Variants in CRYBG2 observed in about 807,000 individuals in gnomAD.
The protein encoded by CRYBG2 is beta/gamma crystallin domain-containing protein 2.
A neutral mutation model predicts 153.4 loss-of-function variants in CRYBG2; 106 were observed. The ratio of observed to expected loss-of-function variants is 0.69; its 90% confidence interval spans 0.59 to 0.81. The LOEUF (loss-of-function observed/expected upper bound fraction) is 0.81. Ranked by LOEUF, CRYBG2 falls within the 30% of genes least tolerant of loss-of-function variation. The pLI, the probability that CRYBG2 is intolerant of heterozygous loss-of-function variation, is 0.00. For synonymous variants in CRYBG2, 851 were observed against 877.8 expected, an observed-to-expected ratio of 0.97 and a Z score of 0.54; for missense variants, 1,996 against 2,112.0, an observed-to-expected ratio of 0.95 and a Z score of 1.08.
In CRYBG2 at chr1:26,343,650, A is replaced by G; in HGVS notation, c.2913+95T>C. The G allele has an allele frequency of 1.4e-6, 2 of 1,384,722 alleles. No homozygotes were observed. Among genetic ancestry groups the G allele is most frequent in the Non-Finnish European group, 1.9e-6 (2 of 1,054,912 alleles). The allele number at this position is 1,384,722 out of a possible 1,614,324, so 85.8% of individuals were successfully genotyped here. ...ACTTCAGACAGAAGCCTCTGCCCCCAGACTCTGACTCCCAGCACCACTCTC... is the reference window on the plus strand; with the variant it reads ...ACTTCAGACAGAAGCCTCTGCCCCCGGACTCTGACTCCCAGCACCACTCTC... On this transcript the variant is annotated intron_variant, in intron 2 of 19. Transcript: ENST00000308182. This position sits in a 1 kb window ranked among gnomAD's most constrained non-coding sequence, Gnocchi z 4.1.
At chr1:26,330,252 C>T (rs1410827270) in intron 15 of CRYBG2, among the ~76,000 whole-genome samples, 3 of 152,120 alleles carry the variant, frequency 2.0e-5, no homozygotes, top group Non-Finnish European at 4.4e-5. Flanking sequence ...TTATTATCCC[C>T]CACTTAATAG....
At chr1:26,338,909 T>A (rs2074094374) in intron 6 of CRYBG2, among the ~76,000 whole-genome samples, 1 of 152,168 alleles carries the variant, frequency 6.6e-6, no homozygotes, top group Non-Finnish European at 1.5e-5. Context: ...TATACTCTTT[T>A]CCCCATTTAT....
chr1:26,352,535 G>C (rs1358010759), intron 1 of CRYBG2, among the ~76,000 whole-genome samples: 6 of 152,076 alleles, frequency 3.9e-5, no homozygotes, highest in Non-Finnish European at 8.8e-5. Flanking sequence ...GGCAGTCCCA[G>C]CTATGTCTCA....
At chr1:26,322,516 A>C (rs1009492328) in intron 18 of CRYBG2, among the ~76,000 whole-genome samples, 193 bp from the exon 19 acceptor site, 7 of 152,218 alleles carry the variant, frequency 4.6e-5, no homozygotes, top group Non-Finnish European at 8.8e-5. Context: ...GTGAGGGTTC[A>C]GTGTGAGAAA....
Position 26,322,334 on chromosome 1 carries a change from A to G in CRYBG2, c.4738-11T>C, listed in dbSNP as rs527649593. On this transcript the variant is annotated splice_polypyrimidine_tract_variant and intron_variant, in intron 18 of 19. Transcript: ENST00000308182. Reference sequence around the variant, plus strand: ...CATGGTGGGGGCCATCTGAGGCCCCAGGAGGTCATCAGGCATTGTTCCTCC... The same window carrying G: ...CATGGTGGGGGCCATCTGAGGCCCCGGGAGGTCATCAGGCATTGTTCCTCC... The G allele has an allele frequency of 6.2e-7, 1 of 1,607,196 alleles. No homozygotes were observed. The highest frequency in any genetic ancestry group is 1.1e-5 in the South Asian group (1 of 90,892).
Position 26,344,709 on chromosome 1 carries a change from C to T in CRYBG2, c.1949G>A (p.Gly650Asp). The change falls in exon 2 of 20, where the codon GGT becomes GAT. Residue 650 changes from glycine to aspartate, a missense_variant. By Grantham distance (94) the Gly-to-Asp change is moderately conservative. Coordinates refer to ENST00000308182, the MANE Select transcript of CRYBG2 (RefSeq NM_001039775.4). ...GGGCGGGGCAAGGCTGCCTGCAATA[C>T]CCTGGACAGCCTCTTTTTGGATGCT... The part of the protein sequence containing the change: ...SSSIQKEAVQ[G>D]IAGSLAPPLT... The T allele has an allele frequency of 4.6e-6, 7 of 1,534,172 alleles. No homozygotes were observed. Among genetic ancestry groups the T allele is most frequent in the African/African-American group, 4.1e-5 (3 of 73,124 alleles).
At chr1:26,333,269 A>G (rs1217448896) in intron 14 of CRYBG2, among the ~76,000 whole-genome samples, 1 of 152,146 alleles carries the variant, frequency 6.6e-6, no homozygotes, top group Non-Finnish European at 1.5e-5. Context: ...TAGTGTCCTT[A>G]AAAGAAGAGG....
At chr1:26,326,150 C>T (rs2073922672) in intron 17 of CRYBG2, among the ~76,000 whole-genome samples, 1 of 152,070 alleles carries the variant, frequency 6.6e-6, no homozygotes, top group African/African-American at 2.4e-5. Flanking sequence ...CCTCGGCCTC[C>T]CAAAGTGATG....
At chr1:26,322,393 G>A in intron 18 of CRYBG2, 70 bp from the exon 19 acceptor site, 1 of 1,516,988 alleles carries the variant, frequency 6.6e-7, no homozygotes, top group South Asian at 1.2e-5. Flanking sequence ...AGAAACCCTT[G>A]ACCCATCTGC....
At position 26,328,301 on chromosome 1, in the gene CRYBG2, C is replaced by T. The variant is rs984629220; in HGVS notation, c.4486G>A (p.Gly1496Ser). The change falls in exon 17 of 20, where the codon GGC becomes AGC. Residue 1496 changes from glycine to serine, a missense_variant. Transcript: ENST00000308182. The stretch of plus-strand genomic sequence containing the variant: ...CAGCTTCCCACCAGCCACTGGCGGC[C>T]CCGGAAGTCACTGTGTTCACATAGC... The part of the protein sequence containing the change: ...WVLCEHSDFR[G>S]RQWLVGSCEI... 2.5e-6 allele frequency: 4 copies of T among 1,571,418 alleles called. No homozygotes were observed. Among genetic ancestry groups the T allele is most frequent in the Non-Finnish European group, 2.6e-6 (3 of 1,157,648 alleles).
chr1:26,326,174 G>A (rs1002577293), intron 17 of CRYBG2, among the ~76,000 whole-genome samples: 6 of 152,026 alleles, frequency 3.9e-5, no homozygotes, highest in Non-Finnish European at 5.9e-5. Context: ...TTACAGGAGT[G>A]AGCCACCGCA....
At chr1:26,333,509 T>G (rs563190483) in intron 14 of CRYBG2, among the ~76,000 whole-genome samples, 67 of 151,106 alleles carry the variant, frequency 4.4e-4, no homozygotes, top group African/African-American at 1.6e-3. Context: ...GAGGTTTCAG[T>G]GAGCCGAGAT....
chr1:26,322,418 C>T (rs1442035768), intron 18 of CRYBG2, 95 bp from the exon 19 acceptor site: 29 of 1,397,942 alleles, frequency 2.1e-5, no homozygotes, highest in Middle Eastern at 2.6e-4. Context: ...AATCCTGGCT[C>T]TTAGGGACTG....
rs778328523 is a variant in CRYBG2 at position 26,336,827 on chromosome 1, C to T, written c.3911+14G>A. On this transcript the variant is annotated intron_variant, in intron 11 of 19. Transcript: ENST00000308182. The surrounding 1 kb of genome is among the most constrained non-coding windows in gnomAD (Gnocchi z 4.9). ...GCCCGGGCCCGCCCCGCTCCCGGAGCCCGGGTCACTTACACGCCGCTGAGC... is the reference window on the plus strand; with the variant it reads ...GCCCGGGCCCGCCCCGCTCCCGGAGTCCGGGTCACTTACACGCCGCTGAGC... 2 of 1,577,770 alleles carry T rather than the reference C, an allele frequency of 1.3e-6. No homozygotes were observed. The highest frequency in any genetic ancestry group is 1.4e-5 in the African/African-American group (1 of 73,830).
In CRYBG2 at chr1:26,346,444, C is replaced by T. The variant is rs566789731; in HGVS notation, c.214G>A (p.Glu72Lys). 102 of 1,604,146 alleles carry T rather than the reference C, an allele frequency of 6.4e-5. No individual in the cohort carries two copies. In the East Asian group the frequency reaches 1.2e-3, roughly 19 times the overall value. ...EVEVNGFATQ[E>K]EETVNCQGPR... The stretch of plus-strand genomic sequence containing the variant: ...CCCTGGCAATTCACAGTCTCTTCTT[C>T]CTGTGTTGCAAAGCCATTGACTTCC... Residue 72 changes from glutamate (E) to lysine (K), a missense_variant, in exon 2 of 20, where the codon GAA becomes AAA. Coordinates refer to ENST00000308182, the MANE Select transcript of CRYBG2 (RefSeq NM_001039775.4). This position sits in a 1 kb window ranked among gnomAD's most constrained non-coding sequence, Gnocchi z 4.9.
chr1:26,330,972 G>A (rs942471528), intron 15 of CRYBG2, among the ~76,000 whole-genome samples: 6 of 152,176 alleles, frequency 3.9e-5, no homozygotes, highest in South Asian at 2.1e-4. Context: ...TTGTGGCCCC[G>A]TCACTTCCAT....
Position 26,346,520 on chromosome 1 carries a change from C to G in CRYBG2, c.138G>C (p.Gln46His). 6.2e-7 allele frequency: 1 copy of G among 1,613,510 alleles called. No individual in the cohort carries two copies. Among genetic ancestry groups the G allele is most frequent in the Admixed American group, 1.7e-5 (1 of 59,968 alleles). Residue 46 changes from glutamine (Q) to histidine (H), a missense_variant, in exon 2 of 20, where the codon CAG becomes CAC. Transcript: ENST00000308182. The surrounding 1 kb of genome is among the most constrained non-coding windows in gnomAD (Gnocchi z 4.9). ...FHKVSLVSGA[Q>H]MEAPQKEMFE... ...ACATCTCCTTCTGCGGGGCTTCCATCTGGGCCCCTGACACCAGGGACACCT... is the reference window on the plus strand; with the variant it reads ...ACATCTCCTTCTGCGGGGCTTCCATGTGGGCCCCTGACACCAGGGACACCT...
At chr1:26,351,752 A>G (rs2074289355) in intron 1 of CRYBG2, among the ~76,000 whole-genome samples, 1 of 152,152 alleles carries the variant, frequency 6.6e-6, no homozygotes, top group African/African-American at 2.4e-5. Flanking sequence ...GCATACCTCC[A>G]GGGACAGGGA....
Position 26,339,283 on chromosome 1 carries a change from G to T in CRYBG2, c.3344+7C>A. 6.2e-7 allele frequency: 1 copy of T among 1,611,588 alleles called. No individual in the cohort carries two copies. The highest frequency in any genetic ancestry group is 8.5e-7 in the Non-Finnish European group (1 of 1,179,190). ...AATGAGGGGATTCTAGAATAGACCA[G>T]ACTCACAGTCCTGCAGAGACGGTGG... is the stretch of plus-strand genomic sequence containing the variant. On this transcript the variant is annotated splice_region_variant and intron_variant, in intron 6 of 19. Transcript: ENST00000308182.
Sources: allele counts gnomAD v4.1 joint callset (sites outside exome capture counted in the v4.1 genomes callset), GRCh38; gene constraint gnomAD v4.1.1; non-coding constraint Gnocchi (gnomAD v3.1); transcripts MANE v1.5; gene names NCBI Gene and HGNC (gene_info 2026-07-23, HGNC 2026-07-21).